INPP4A: variants seen among roughly 807,000 people sequenced by gnomAD.
INPP4A encodes inositol polyphosphate-4-phosphatase, type I, 107kD.
In INPP4A, 33 loss-of-function variants were observed where a neutral mutation model predicts 119.8. That is an observed-to-expected ratio of 0.28 (90% CI 0.21 to 0.37). The LOEUF (loss-of-function observed/expected upper bound fraction) is 0.37. INPP4A is among the 10% of genes least tolerant of loss of function. The pLI, the probability that INPP4A is intolerant of heterozygous loss-of-function variation, is 1.00. For synonymous variants in INPP4A, 496 were observed against 500.7 expected, an observed-to-expected ratio of 0.99 and a Z score of 0.12; for missense variants, 956 against 1,289.9, an observed-to-expected ratio of 0.74 and a Z score of 3.97.
intron 8 of INPP4A, among the ~76,000 whole-genome samples, chr2:98,538,561 C>T (rs1690762376): frequency 6.6e-6 from 1 of 152,214 alleles, no homozygotes; most frequent in Admixed American, 6.5e-5. Context: ...TGTCTCATTT[C>T]ACCCAAAATA....
chr2:98,492,614 G>A (rs1681066053), intron 1 of INPP4A, among the ~76,000 whole-genome samples: 1 of 152,248 alleles, frequency 6.6e-6, no homozygotes, highest in Non-Finnish European at 1.5e-5. Flanking sequence ...GAGCCCTTTA[G>A]GGATGACTGG....
At chr2:98,488,968 TG>T in intron 1 of INPP4A, among the ~76,000 whole-genome samples, 2 of 151,544 alleles carry the variant, frequency 1.3e-5, no homozygotes, top group South Asian at 4.2e-4. Flanking sequence ...TGTGTGTGTG[TG>T]TGTGTGTGTG....
intron 24 of INPP4A, among the ~76,000 whole-genome samples, chr2:98,578,259 A>G (rs1297082728): frequency 2.0e-5 from 3 of 152,144 alleles, no homozygotes; most frequent in African/African-American, 4.8e-5. Context: ...CCTGATGTCC[A>G]GTGTGACCCT....
At chr2:98,562,628 A>T (rs917272274) in intron 17 of INPP4A, among the ~76,000 whole-genome samples, 1 of 152,152 alleles carries the variant, frequency 6.6e-6, no homozygotes, top group Non-Finnish European at 1.5e-5. Flanking sequence ...TCACATGCCT[A>T]TTTCTGGTCT....
chr2:98,537,363 T>C (rs1353210360), intron 7 of INPP4A, among the ~76,000 whole-genome samples: 3 of 152,132 alleles, frequency 2.0e-5, no homozygotes, highest in East Asian at 3.9e-4. Context: ...CTGTGTCATA[T>C]CAGGATTCAA....
intron 1 of INPP4A, among the ~76,000 whole-genome samples, chr2:98,478,506 T>A (rs1216966148): frequency 1.3e-5 from 2 of 152,226 alleles, no homozygotes; most frequent in African/African-American, 2.4e-5. Flanking sequence ...GAGGCAGGGC[T>A]GTGGGGGTAG....
chr2:98,580,500 C>A (rs778206899), intron 24 of INPP4A, among the ~76,000 whole-genome samples: 1 of 152,244 alleles, frequency 6.6e-6, no homozygotes, highest in African/African-American at 2.4e-5. Flanking sequence ...TTCCTGTCCC[C>A]AGTCCTGGGG....
At chr2:98,474,086 C>G (rs1676716783) in intron 1 of INPP4A, among the ~76,000 whole-genome samples, 1 of 152,180 alleles carries the variant, frequency 6.6e-6, no homozygotes, top group Non-Finnish European at 1.5e-5. Context: ...CCTCTTTCTT[C>G]TGGAGTGTGC....
intron 24 of INPP4A, 143 bp downstream of exon 24, chr2:98,577,286 G>T: frequency 2.3e-6 from 2 of 856,356 alleles, no homozygotes; most frequent in Non-Finnish European, 3.4e-6. Flanking sequence ...TGACAAACCC[G>T]TCAAACTATT....
rs539264620 is a variant in INPP4A, at chr2:98,462,677, C to T, written c.-166+17592C>T. On this transcript the variant is annotated intron_variant, in intron 1 of 24. Transcript: ENST00000409851. The stretch of plus-strand genomic sequence containing the variant: ...AGTAGCTGGGACTACAGGTGTATGC[C>T]ACCATGCCTGGCTAATTTTTAATTT... Among the ~76,000 whole-genome samples, 457 of 151,604 alleles carry T rather than the reference C, an allele frequency of 3.0e-3. 4 individuals are homozygous for T. The highest frequency in any genetic ancestry group is 7.5e-3 in the South Asian group (36 of 4,812).
At chr2:98,462,522 T>A (rs1287077354) in intron 1 of INPP4A, among the ~76,000 whole-genome samples, 1 of 152,034 alleles carries the variant, frequency 6.6e-6, no homozygotes, top group Admixed American at 6.5e-5. Flanking sequence ...TTTATTTTTT[T>A]AATTATTATT....
intron 1 of INPP4A, among the ~76,000 whole-genome samples, chr2:98,460,781 C>T (rs1231178242): frequency 6.6e-6 from 1 of 152,102 alleles, no homozygotes; most frequent in Non-Finnish European, 1.5e-5. Context: ...GGCAGGGTGT[C>T]CCTGGCACCC....
chr2:98,450,613 G>A (rs534836926), intron 1 of INPP4A, among the ~76,000 whole-genome samples: 13 of 152,332 alleles, frequency 8.5e-5, no homozygotes, highest in African/African-American at 2.9e-4. Flanking sequence ...CCAGAGGCTT[G>A]TTGGGGGATT....
chr2:98,503,197 A>G (rs1683447946), intron 1 of INPP4A, among the ~76,000 whole-genome samples: 1 of 152,176 alleles, frequency 6.6e-6, no homozygotes, highest in Admixed American at 6.5e-5. Context: ...GGTTTGCCCC[A>G]AGTGAGAAAG....
In INPP4A at chr2:98,555,809, G is replaced by A. The variant is rs374507988; in HGVS notation, c.1822+1G>A. On this transcript the variant is annotated splice_donor_variant, in intron 16 of 24. Transcript: ENST00000409851. LOFTEE classifies it high-confidence loss of function. ...GCATGCCATCCTCATCTGACCACAC[G>A]TGCGTATGCATCCATGCTTCCCATA... 23 of 1,551,870 alleles carry A rather than the reference G, an allele frequency of 1.5e-5. No individual in the cohort carries two copies. The highest frequency in any genetic ancestry group is 2.0e-5 in the Non-Finnish European group (23 of 1,146,088).
intron 1 of INPP4A, among the ~76,000 whole-genome samples, chr2:98,457,087 T>G (rs1487445893): frequency 6.6e-6 from 1 of 152,180 alleles, no homozygotes; most frequent in East Asian, 1.9e-4. Context: ...CTCATTCAGT[T>G]TCTCCTGTGG....
chr2:98,559,466 G>A lies in INPP4A; in HGVS notation c.1826G>A (p.Cys609Tyr). 1 of 1,614,000 alleles carries A rather than the reference G, an allele frequency of 6.2e-7. No homozygotes were observed. Among genetic ancestry groups the A allele is most frequent in the Non-Finnish European group, 8.5e-7 (1 of 1,179,892 alleles). ...GTCGCCCTCCATTTCTGTGCAGATT[G>A]CAGTCCCCCTCCTGAAGAGTCCAGC... ...TACHPHLTTHCSPPPEESSPG... is the reference protein window; with the variant it reads ...TACHPHLTTHYSPPPEESSPG... Residue 609 changes from cysteine (C) to tyrosine (Y), a missense_variant, in exon 17 of 25, where the codon TGC becomes TAC. Cys to Tyr is a radical substitution (Grantham distance 194, BLOSUM62 -2). Coordinates refer to ENST00000409851, the MANE Select transcript of INPP4A (RefSeq NM_001134225.2).
intron 7 of INPP4A, among the ~76,000 whole-genome samples, chr2:98,537,413 T>A (rs1432245532): frequency 6.6e-6 from 1 of 152,058 alleles, no homozygotes; most frequent in Non-Finnish European, 1.5e-5. Context: ...TTACTTGGAG[T>A]CCAGGCTTAG....
chr2:98,587,181 A>G (rs1478468073), intron 24 of INPP4A, among the ~76,000 whole-genome samples: 1 of 152,246 alleles, frequency 6.6e-6, no homozygotes, highest in Non-Finnish European at 1.5e-5. Flanking sequence ...AAAAGACATG[A>G]GCTACATGAA....
Sources: gnomAD v4.1 joint callset for allele counts (sites outside exome capture counted in the v4.1 genomes callset) on GRCh38, gnomAD v4.1.1 for gene constraint, MANE v1.5 for transcripts, NCBI Gene and HGNC (gene_info 2026-07-23, HGNC 2026-07-21) for gene names.